The following CHD9 variants were observed in gnomAD, a reference collection of about 807,000 sequenced individuals.
CHD9 encodes the protein chromodomain helicase DNA binding protein 9, also known as ATP-dependent chromatin remodeler CHD9.
Under a neutral mutation model 316.1 loss-of-function variants are expected in CHD9, and 77 were observed. The observed-to-expected ratio is 0.24, with a 90% CI of 0.20 to 0.29. The LOEUF (loss-of-function observed/expected upper bound fraction) is 0.29, where lower values mean the gene tolerates loss of function less well. CHD9 is among the 10% of genes least tolerant of loss of function. The pLI is 1.00. For missense variants in CHD9, 2,763 were observed against 3,438.1 expected, an observed-to-expected ratio of 0.80 and a Z score of 4.91; for synonymous variants, 1,129 against 1,158.3, an observed-to-expected ratio of 0.97 and a Z score of 0.51.
intron 2 of CHD9, among the ~76,000 whole-genome samples, chr16:53,199,999 G>A (rs1481753505): frequency 1.3e-5 from 2 of 152,128 alleles, no homozygotes; most frequent in Non-Finnish European, 2.9e-5. Context: ...ACTTTGGGAG[G>A]CCGAGGCGGG....
intron 1 of CHD9, among the ~76,000 whole-genome samples, chr16:53,105,006 A>G (rs1001342443): frequency 6.6e-6 from 1 of 151,892 alleles, no homozygotes; most frequent in Non-Finnish European, 1.5e-5. Context: ...CAAAAAAACA[A>G]AAAAAACACA....
intron 2 of CHD9, among the ~76,000 whole-genome samples, chr16:53,183,462 T>C (rs1363634678): frequency 6.6e-6 from 1 of 152,220 alleles, no homozygotes; most frequent in Admixed American, 6.5e-5. Context: ...GTTATTTATT[T>C]AAAAGACAGA....
At chr16:53,190,356 G>A (rs868375280) in intron 2 of CHD9, among the ~76,000 whole-genome samples, 1 of 151,936 alleles carries the variant, frequency 6.6e-6, no homozygotes, top group Non-Finnish European at 1.5e-5. Context: ...ATCCATTCAA[G>A]CTCATTTTCT....
intron 20 of CHD9, among the ~76,000 whole-genome samples, chr16:53,266,616 C>T (rs764919655): frequency 6.6e-6 from 1 of 152,052 alleles, no homozygotes; most frequent in African/African-American, 2.4e-5. Flanking sequence ...CACATTTGTC[C>T]GTGTAACTAA....
In CHD9 at chr16:53,245,414, C is replaced by A. The variant is rs2049499753; in HGVS notation, c.3133C>A (p.Pro1045Thr). Reference sequence around the variant, plus strand: ...ATTTAGTCTTCTTCACTTTCTTGAACCCTTAAGGTTTCCTTCTGAATCAAC... The same window carrying A: ...ATTTAGTCTTCTTCACTTTCTTGAAACCTTAAGGTTTCCTTCTGAATCAAC... ...ELFSLLHFLE[P>T]LRFPSESTFM... The change falls in exon 14 of 39, where the codon CCC (proline) becomes ACC (threonine). Residue 1045 changes from proline (P) to threonine (T), a missense_variant. Transcript: ENST00000447540. The surrounding 1 kb of genome is among the most constrained non-coding windows in gnomAD (Gnocchi z 4.1). The A allele has an allele frequency of 6.2e-7, 1 of 1,604,910 alleles. No individual in the cohort carries two copies. The highest frequency in any genetic ancestry group is 2.2e-5 in the East Asian group (1 of 44,698).
At chr16:53,084,707 C>T (rs555229077) in intron 1 of CHD9, among the ~76,000 whole-genome samples, 1 of 152,350 alleles carries the variant, frequency 6.6e-6, no homozygotes, top group Non-Finnish European at 1.5e-5. Context: ...CACGCCACTG[C>T]ACTCCAGCCT....
Position 53,245,509 on chromosome 16 carries a change from A to G in CHD9, c.3198+30A>G, listed in dbSNP as rs773133451. 6.4e-7 allele frequency: 1 copy of G among 1,555,266 alleles called. No homozygotes were observed. The highest frequency in any genetic ancestry group is 2.3e-5 in the East Asian group (1 of 44,192). On this transcript the variant is annotated intron_variant, in intron 14 of 38. Coordinates refer to ENST00000447540, the MANE Select transcript of CHD9 (RefSeq NM_001308319.2). The surrounding 1 kb of genome is among the most constrained non-coding windows in gnomAD (Gnocchi z 4.1). Reference sequence around the variant, plus strand: ...CCTATTGCTCTTTGTAAATACATTCATCGCATTTCTAATCATTGTAATTAT... The same window carrying G: ...CCTATTGCTCTTTGTAAATACATTCGTCGCATTTCTAATCATTGTAATTAT...
chr16:53,266,060 T>G (rs1299698949), intron 20 of CHD9, among the ~76,000 whole-genome samples: 1 of 151,326 alleles, frequency 6.6e-6, no homozygotes, highest in Non-Finnish European at 1.5e-5. Flanking sequence ...TTAATAAATG[T>G]AGAAGGAATG....
At chr16:53,099,060 A>G (rs1487769444) in intron 1 of CHD9, 1 of 152,302 alleles carries the variant, frequency 6.6e-6, no homozygotes, top group Non-Finnish European at 1.5e-5. Flanking sequence ...GGTGGTGAGC[A>G]GCTGAGGGTG....
In CHD9 at chr16:53,318,306, G is replaced by T; in HGVS notation, c.7679G>T (p.Arg2560Leu). 6.2e-7 allele frequency: 1 copy of T among 1,607,754 alleles called. No individual in the cohort carries two copies. The highest frequency in any genetic ancestry group is 2.2e-5 in the East Asian group (1 of 44,800). Residue 2560 changes from arginine to leucine, a missense_variant, in exon 37 of 39, where the codon CGT becomes CTT. Arg to Leu is a moderately radical substitution (Grantham distance 102, BLOSUM62 -2). Around this residue, in one of 15 missense-constraint regions of CHD9, gnomAD observed 19 missense variants for 44.5 expected, o/e 0.43. Transcript: ENST00000447540. Reference protein sequence around the residue: ...LDVNSLTGEERVQLINRRNAR... With the variant: ...LDVNSLTGEELVQLINRRNAR... ...GTGAATAGTCTCACTGGAGAAGAACGTGTTCAACTGATTAACAGAAGAAAT... is the reference window on the plus strand; with the variant it reads ...GTGAATAGTCTCACTGGAGAAGAACTTGTTCAACTGATTAACAGAAGAAAT...
chr16:53,240,844 A>G (rs1022498135), intron 12 of CHD9, among the ~76,000 whole-genome samples: 3 of 152,308 alleles, frequency 2.0e-5, no homozygotes, highest in African/African-American at 7.2e-5. Flanking sequence ...TAAAATAGAT[A>G]GTATTATCTC....
At chr16:53,246,214 A>G (rs1278074388) in intron 15 of CHD9, among the ~76,000 whole-genome samples, 3 of 152,184 alleles carry the variant, frequency 2.0e-5, no homozygotes, top group Non-Finnish European at 4.4e-5. Context: ...CTTGTGCTGT[A>G]ATAATGTTAC....
At position 53,120,260 on chromosome 16, in the gene CHD9, T is replaced by TA. The variant is rs148722335; in HGVS notation, c.-164-35660dup. ...AAAAATAAAAATAAAAAAATTTTTT[T>TA]AAAAAATTGCACTAGGATGGGTTTC... On this transcript the variant is annotated intron_variant, in intron 1 of 38. Transcript: ENST00000447540. Among the ~76,000 whole-genome samples, 5 of 151,652 alleles carry TA rather than the reference T, an allele frequency of 3.3e-5. No individual in the cohort carries two copies. The South Asian group carries it at 6.2e-4, about 19-fold the overall frequency.
intron 1 of CHD9, among the ~76,000 whole-genome samples, chr16:53,146,437 A>ATATATATATATATATATATATATACAT (rs58622741): frequency 7.7e-6 from 1 of 129,728 alleles, no homozygotes; most frequent in African/African-American, 3.1e-5. Context: ...ATATATATAT[A>ATATATATATATATATATATATATACAT]ATTAAAAAGT....
chr16:53,162,783 C>CTT (rs1204390530), intron 2 of CHD9, among the ~76,000 whole-genome samples: 5 of 133,920 alleles, frequency 3.7e-5, no homozygotes, highest in Non-Finnish European at 4.9e-5. Context: ...ACATATAAGC[C>CTT]TTTTTTTTTT....
At chr16:53,208,446 G>A in intron 2 of CHD9, 1 of 1,206,838 alleles carries the variant, frequency 8.3e-7, no homozygotes, top group Non-Finnish European at 1.1e-6. Flanking sequence ...GCTGCTACGG[G>A]AGTCGTACTG....
intron 1 of CHD9, among the ~76,000 whole-genome samples, chr16:53,069,115 TTG>T (rs2033781906): frequency 6.6e-6 from 1 of 152,074 alleles, no homozygotes; most frequent in Non-Finnish European, 1.5e-5. Flanking sequence ...GCAATTCTCC[TTG>T]CCTCAGCCTC....
chr16:53,246,287 T>C (rs563242349), intron 15 of CHD9, among the ~76,000 whole-genome samples: 1 of 152,344 alleles, frequency 6.6e-6, no homozygotes, highest in East Asian at 1.9e-4. Flanking sequence ...GGTTTTTCAC[T>C]TATTCTTGGG....
chr16:53,160,452 C>G (rs768503220), intron 2 of CHD9, among the ~76,000 whole-genome samples: 1 of 152,092 alleles, frequency 6.6e-6, no homozygotes, highest in Non-Finnish European at 1.5e-5. Flanking sequence ...TATTTTCAGA[C>G]CTACCTTAAA....
Sources: allele counts gnomAD v4.1 joint callset (sites outside exome capture counted in the v4.1 genomes callset), GRCh38; gene constraint gnomAD v4.1.1; regional missense constraint gnomAD v4.1.1; non-coding constraint Gnocchi (gnomAD v3.1); transcripts MANE v1.5; gene names NCBI Gene and HGNC (gene_info 2026-07-23, HGNC 2026-07-21).